SCCPDH: variants seen among roughly 807,000 people sequenced by gnomAD.
SCCPDH encodes saccharopine dehydrogenase-like oxidoreductase.
Under a neutral mutation model 51.5 loss-of-function variants are expected in SCCPDH, and 34 were observed. The observed-to-expected ratio is 0.66, with a 90% CI of 0.50 to 0.88. The LOEUF is 0.88. SCCPDH is among the 40% of genes least tolerant of loss of function. SCCPDH has a pLI of 0.00. For synonymous variants in SCCPDH, 187 were observed against 191.3 expected (o/e 0.98, Z 0.19); for missense variants, 464 against 527.1 (o/e 0.88, Z 1.17).
At chr1:246,751,220 T>C (rs920809786) in intron 5 of SCCPDH, among the ~76,000 whole-genome samples, 7 of 152,262 alleles carry the variant, frequency 4.6e-5, no homozygotes, top group Non-Finnish European at 1.0e-4. Context: ...AAACTCAATT[T>C]TAATAAAACC....
At chr1:246,758,139 AT>A in intron 5 of SCCPDH, 86 bp from the exon 6 acceptor site, 1 of 1,002,376 alleles carries the variant, frequency 1.0e-6, no homozygotes, top group South Asian at 1.9e-5. Context: ...TAAGTGAAAT[AT>A]TGTTTGTAAC....
chr1:246,724,477 A>G lies in SCCPDH; in HGVS notation c.55A>G (p.Thr19Ala), dbSNP rs1377667145. ...HLVVFGASGF[T>A]GQFVTEEVAR... Reference sequence around the variant, plus strand: ...GGTGGTGTTCGGCGCGTCTGGCTTCACCGGCCAGTTCGTGACCGAGGAGGT... The same window carrying G: ...GGTGGTGTTCGGCGCGTCTGGCTTCGCCGGCCAGTTCGTGACCGAGGAGGT... Residue 19 changes from threonine (T) to alanine (A), a missense_variant, in exon 1 of 12, where the codon ACC (threonine) becomes GCC (alanine). Thr to Ala is a moderately conservative substitution (Grantham distance 58). Coordinates refer to ENST00000366510, the MANE Select transcript of SCCPDH (RefSeq NM_016002.3). The G allele has an allele frequency of 3.1e-6, 5 of 1,588,996 alleles. No individual in the cohort carries two copies. Among genetic ancestry groups the G allele is most frequent in the African/African-American group, 2.8e-5 (2 of 72,318 alleles).
At chr1:246,761,584 C>T (rs1318478355) in intron 9 of SCCPDH, among the ~76,000 whole-genome samples, 1 of 152,190 alleles carries the variant, frequency 6.6e-6, no homozygotes, top group Non-Finnish European at 1.5e-5. Flanking sequence ...GCCCCGGCAA[C>T]CGCATTCCGC....
rs748923018 is a variant in SCCPDH, at chr1:246,766,011, G to A, written c.1103-47G>A. On this transcript the variant is annotated intron_variant, in intron 10 of 11. Coordinates refer to ENST00000366510, the MANE Select transcript of SCCPDH (RefSeq NM_016002.3). Reference sequence around the variant, plus strand: ...TTTGATTTTTGATGTTGTTGAATGGGTACTTCATGATTCCTTTCTTTTTCC... The same window carrying A: ...TTTGATTTTTGATGTTGTTGAATGGATACTTCATGATTCCTTTCTTTTTCC... 1.5e-5 allele frequency: 18 copies of A among 1,221,680 alleles called. No homozygotes were observed. In the South Asian group the frequency reaches 2.3e-4, roughly 16 times the overall value. 75.7% of individuals were successfully genotyped at this position (1,221,680 alleles called of 1,614,324 possible). A position where few individuals can be genotyped will look rare whatever the true frequency, so the allele number is the denominator to read the frequency against.
intron 1 of SCCPDH, among the ~76,000 whole-genome samples, chr1:246,725,316 A>G (rs1413238930): frequency 6.7e-6 from 1 of 148,522 alleles, no homozygotes. Context: ...TTGATTCTCT[A>G]AGCATTGAAG....
At chr1:246,742,671 G>A (rs1668698504) in intron 4 of SCCPDH, among the ~76,000 whole-genome samples, 1 of 151,998 alleles carries the variant, frequency 6.6e-6, no homozygotes, top group Non-Finnish European at 1.5e-5. Flanking sequence ...TTGATGACGT[G>A]GTTATTTATT....
intron 7 of SCCPDH, among the ~76,000 whole-genome samples, chr1:246,759,739 TA>T (rs1668983376): frequency 1.3e-5 from 2 of 152,240 alleles, no homozygotes; most frequent in African/African-American, 4.8e-5. Context: ...AAAAGTAGAC[TA>T]TCATACTTCC....
chr1:246,756,207 AGC>A, intron 5 of SCCPDH, among the ~76,000 whole-genome samples: 1 of 152,396 alleles, frequency 6.6e-6, no homozygotes, highest in East Asian at 1.9e-4. Context: ...GAGCATAAGA[AGC>A]CAAACACTCA....
rs565309183 is a variant in SCCPDH at position 246,731,036 on chromosome 1, G to A, written c.303+4032G>A. 7.2e-5 allele frequency among the ~76,000 whole-genome samples: 11 copies of A among 152,278 alleles called. No individual in the cohort carries two copies. The East Asian group carries it at 2.1e-3, about 29-fold the overall frequency. On this transcript the variant is annotated intron_variant, in intron 2 of 11. Transcript: ENST00000366510. ...GATTGCGCCATTGTATTCAAGCCTG[G>A]GCAGCAAGAATGAAACTCCAGCTCA...
intron 10 of SCCPDH, among the ~76,000 whole-genome samples, chr1:246,765,853 G>GT (rs1360767892): frequency 1.3e-5 from 2 of 152,112 alleles, no homozygotes; most frequent in Non-Finnish European, 2.9e-5. Flanking sequence ...AATTAAATGA[G>GT]TTTAATAGAC....
chr1:246,748,391 G>A (rs7410903), intron 5 of SCCPDH, among the ~76,000 whole-genome samples: 34,479 of 152,116 alleles, frequency 0.23, 4,290 homozygotes, highest in East Asian at 0.3. Flanking sequence ...TTTGTAAGGC[G>A]CTCGTTGTGC....
At chr1:246,735,012 A>G (rs1301647928) in intron 2 of SCCPDH, among the ~76,000 whole-genome samples, 4 of 152,232 alleles carry the variant, frequency 2.6e-5, no homozygotes, top group Non-Finnish European at 5.9e-5. Flanking sequence ...ATTTTGACCA[A>G]TAATACCACT....
chr1:246,733,954 A>G (rs1362321492), intron 2 of SCCPDH, among the ~76,000 whole-genome samples: 1 of 152,224 alleles, frequency 6.6e-6, no homozygotes, highest in Non-Finnish European at 1.5e-5. Context: ...TGGAGGTCAC[A>G]GCACAGATTT....
At chr1:246,765,382 C>T (rs1669072962) in intron 10 of SCCPDH, among the ~76,000 whole-genome samples, 1 of 152,222 alleles carries the variant, frequency 6.6e-6, no homozygotes, top group Admixed American at 6.5e-5. Context: ...AATTGCCATG[C>T]CTGGCCCACG....
At chr1:246,730,840 C>T (rs1332328327) in intron 2 of SCCPDH, among the ~76,000 whole-genome samples, 1 of 152,118 alleles carries the variant, frequency 6.6e-6, no homozygotes, top group African/African-American at 2.4e-5. Context: ...GGGCAGATCA[C>T]TTGAGGTCGG....
intron 6 of SCCPDH, among the ~76,000 whole-genome samples, chr1:246,758,560 G>A (rs1237381813): frequency 6.6e-6 from 1 of 152,012 alleles, no homozygotes; most frequent in Non-Finnish European, 1.5e-5. Flanking sequence ...ATTACCATAA[G>A]CTTAAGATAA....
intron 1 of SCCPDH, 147 bp from the exon 2 acceptor site, chr1:246,726,745 G>A: frequency 1.6e-6 from 1 of 606,144 alleles, no homozygotes; most frequent in Non-Finnish European, 2.9e-6. Context: ...ATTAAAAACA[G>A]TTTTATCTTT....
chr1:246,740,491 A>G (rs537951701), intron 4 of SCCPDH, among the ~76,000 whole-genome samples, 190 bp downstream of exon 4: 16 of 152,348 alleles, frequency 1.1e-4, no homozygotes, highest in Non-Finnish European at 2.1e-4. Flanking sequence ...TTGTTGAGAC[A>G]TGGATAATAC....
At chr1:246,736,692 G>A (rs1277275761) in intron 3 of SCCPDH, among the ~76,000 whole-genome samples, 2 of 151,602 alleles carry the variant, frequency 1.3e-5, no homozygotes, top group Non-Finnish European at 2.9e-5. Flanking sequence ...CAGAGCGAGA[G>A]CGAGACTCTG....
Sources: gnomAD v4.1 joint callset for allele counts (sites outside exome capture counted in the v4.1 genomes callset) on GRCh38, gnomAD v4.1.1 for gene constraint, MANE v1.5 for transcripts, NCBI Gene and HGNC (gene_info 2026-07-23, HGNC 2026-07-21) for gene names.